The following ADGRG4 variants were observed in gnomAD, a reference collection of about 807,000 sequenced individuals.
The protein encoded by ADGRG4 is G protein-coupled receptor 112.
A neutral mutation model predicts 126.2 loss-of-function variants in ADGRG4; 122 were observed. The observed-to-expected ratio is 0.97, with a 90% confidence interval of 0.83 to 1.12. The LOEUF is 1.12. Ranked by LOEUF, ADGRG4 falls within the 50% of genes most tolerant of loss-of-function variation. The pLI is 0.00. For missense variants in ADGRG4, 2,481 were observed against 2,251.8 expected, an observed-to-expected ratio of 1.10 and a Z score of -2.06; for synonymous variants, 943 against 838.7, an observed-to-expected ratio of 1.12 and a Z score of -2.15.
At chrX:136,367,457 T>C in intron 13 of ADGRG4, among the ~76,000 whole-genome samples, 1 of 112,451 alleles carries the variant, frequency 8.9e-6, no homozygotes, top group South Asian at 3.7e-4. Context: ...TCTTTAGACA[T>C]GCTAATAGAA....
chrX:136,409,417 C>G (rs913890417), intron 23 of ADGRG4, among the ~76,000 whole-genome samples: 1 of 111,248 alleles, frequency 9.0e-6, no homozygotes, highest in Non-Finnish European at 1.9e-5. Flanking sequence ...CCTTTTAAGT[C>G]GGAAAACTAA....
rs773335401 is a variant in ADGRG4, at chrX:136,323,263, C to T, written c.556C>T (p.Gln186Ter). 3.3e-6 allele frequency: 4 copies of T among 1,211,377 alleles called. No individual in the cohort carries two copies. Among genetic ancestry groups the T allele is most frequent in the Non-Finnish European group, 4.5e-6 (4 of 895,382 alleles). ...RSFPGSLYYF[Q>*]LWDHILENEE... ...CTTTCCTGGCAGCTTGTACTACTTT[C>T]AACTCTGGGACCACATCCTGGAAAA... Residue 186 changes from glutamine to a stop codon, truncating the protein, a stop_gained, in exon 5 of 26, where the codon CAA (glutamine) becomes TAA (stop). Transcript: ENST00000394143. LOFTEE classifies it high-confidence loss of function.
chrX:136,323,205 TG>T lies in ADGRG4; in HGVS notation c.499del (p.Glu167ArgfsTer8), dbSNP rs1257232409. The T allele has an allele frequency of 8.3e-7, 1 of 1,211,609 alleles. No homozygotes were observed. Reference sequence around the variant, plus strand: ...TGTTCCTAGGGCACTTTCTCAAGAATGAGAGCAGCGAGGTTAAAAGCATGAT... The same window carrying T: ...TGTTCCTAGGGCACTTTCTCAAGAATAGAGCAGCGAGGTTAAAAGCATGAT... ...TLFLGHFLKN[E>X]SSEVKSMMRS... On this transcript the variant is annotated frameshift_variant, in exon 5 of 26. Coordinates refer to ENST00000394143, the MANE Select transcript of ADGRG4 (RefSeq NM_153834.4). LOFTEE classifies it high-confidence loss of function.
chrX:136,386,442 C>T (rs1199999556), intron 15 of ADGRG4, among the ~76,000 whole-genome samples: 3 of 111,687 alleles, frequency 2.7e-5, no homozygotes, highest in East Asian at 2.8e-4. Context: ...TAGCAAAGAG[C>T]CATATGGGTT....
Position 136,322,670 on chromosome X carries a change from A to T in ADGRG4, c.71-108A>T. 7.6e-6 allele frequency: 5 copies of T among 660,119 alleles called. No homozygotes were observed. The South Asian group carries it at 1.8e-4, about 23-fold the overall frequency. The allele number at this position is 660,119 out of a possible 1,213,427, so 54.4% of individuals were successfully genotyped here. A position where few individuals can be genotyped will look rare whatever the true frequency, so the allele number is the denominator to read the frequency against. Reference sequence around the variant, plus strand: ...TGTTTATTTGCACCAGTATTGACTCATAATTATATTGTATAACCCAGATTT... The same window carrying T: ...TGTTTATTTGCACCAGTATTGACTCTTAATTATATTGTATAACCCAGATTT... On this transcript the variant is annotated intron_variant, in intron 4 of 25. Coordinates refer to ENST00000394143, the MANE Select transcript of ADGRG4 (RefSeq NM_153834.4).
Position 136,346,050 on chromosome X carries a change from G to T in ADGRG4, c.2344G>T (p.Val782Phe), listed in dbSNP as rs1569322763. Residue 782 changes from valine to phenylalanine, a missense_variant, in exon 6 of 26, where the codon GTT becomes TTT. Coordinates refer to ENST00000394143, the MANE Select transcript of ADGRG4 (RefSeq NM_153834.4). ...ACTTCCTTTGACACCAAGGGAGACT[G>T]TTGTTCCATCAGTAGATATAATATC... ...NELPLTPRETVVPSVDIISTL... is the reference protein window; with the variant it reads ...NELPLTPRETFVPSVDIISTL... 8.3e-7 allele frequency: 1 copy of T among 1,208,311 alleles called. No homozygotes were observed. Among genetic ancestry groups the T allele is most frequent in the Non-Finnish European group, 1.1e-6 (1 of 893,339 alleles).
intron 16 of ADGRG4, 53 bp from the exon 17 acceptor site, chrX:136,392,179 A>G (rs1219016707): frequency 5.8e-6 from 6 of 1,034,338 alleles, no homozygotes; most frequent in Non-Finnish European, 7.8e-6. Flanking sequence ...GATTATTAAT[A>G]TGTAAGTAAT....
At chrX:136,350,572 T>C (rs1211038266) in intron 6 of ADGRG4, 139 bp downstream of exon 6, 8 of 529,274 alleles carry the variant, frequency 1.5e-5, no homozygotes, top group South Asian at 3.5e-5. Flanking sequence ...CTTCAGACAG[T>C]GGGTACAGTG....
chrX:136,356,120 A>G lies in ADGRG4; in HGVS notation c.6888-6A>G. On this transcript the variant is annotated splice_region_variant and splice_polypyrimidine_tract_variant and intron_variant, in intron 8 of 25. Transcript: ENST00000394143. ...TTCCTATAATTTTGTAATGCTTTTGATACAGGGACATTTCAGAGGAAGAGA... is the reference window on the plus strand; with the variant it reads ...TTCCTATAATTTTGTAATGCTTTTGGTACAGGGACATTTCAGAGGAAGAGA... The G allele has an allele frequency of 8.5e-7, 1 of 1,171,863 alleles. No individual in the cohort carries two copies. The highest frequency in any genetic ancestry group is 1.9e-5 in the South Asian group (1 of 53,813).
chrX:136,395,308 G>C, intron 18 of ADGRG4, 82 bp from the exon 19 acceptor site: 1 of 540,479 alleles, frequency 1.9e-6, no homozygotes, highest in Non-Finnish European at 3.1e-6. Flanking sequence ...TATAACACAC[G>C]TTTGGATAGT....
chrX:136,357,282 G>A (rs2075100565), intron 9 of ADGRG4, among the ~76,000 whole-genome samples: 1 of 111,669 alleles, frequency 9.0e-6, no homozygotes, highest in Non-Finnish European at 1.9e-5. Flanking sequence ...TGTAAGATGA[G>A]GACTGTTGGA....
At position 136,371,272 on chromosome X, in the gene ADGRG4, C is replaced by G. The variant is rs550790806; in HGVS notation, c.7397-56C>G. 4.4e-5 allele frequency: 36 copies of G among 811,342 alleles called. No individual in the cohort carries two copies. The South Asian group carries it at 8.6e-4, about 19-fold the overall frequency. The allele number at this position is 811,342 out of a possible 1,213,427, so 66.9% of individuals were successfully genotyped here. A position where few individuals can be genotyped will look rare whatever the true frequency, so the allele number is the denominator to read the frequency against. On this transcript the variant is annotated intron_variant, in intron 13 of 25. Coordinates refer to ENST00000394143, the MANE Select transcript of ADGRG4 (RefSeq NM_153834.4). ...ACTCTTTAAAGGGAAAGAAGCACAC[C>G]AGAATGGCAGAAGACTAAGTCATGC...
intron 8 of ADGRG4, among the ~76,000 whole-genome samples, chrX:136,355,491 A>G (rs1323978846): frequency 9.0e-6 from 1 of 111,702 alleles, no homozygotes; most frequent in Non-Finnish European, 1.9e-5. Flanking sequence ...TCCTTATTAC[A>G]AAAGTAATAT....
intron 15 of ADGRG4, among the ~76,000 whole-genome samples, chrX:136,376,653 G>T (rs918007089): frequency 5.7e-5 from 6 of 105,980 alleles, no homozygotes; most frequent in African/African-American, 1.0e-4. Flanking sequence ...GTATTGTATT[G>T]TATTGTATTG....
At chrX:136,311,697 C>T (rs145156081) in intron 4 of ADGRG4, among the ~76,000 whole-genome samples, 4 of 110,592 alleles carry the variant, frequency 3.6e-5, no homozygotes, top group Admixed American at 9.7e-5. Flanking sequence ...ACAGGAAAGC[C>T]CCAGAGCCAT....
chrX:136,414,606 G>A (rs1450469322), intron 25 of ADGRG4, among the ~76,000 whole-genome samples: 1 of 112,728 alleles, frequency 8.9e-6, no homozygotes, highest in African/African-American at 3.2e-5. Context: ...GAAAATTCAT[G>A]AGTAATTAAA....
Position 136,347,896 on chromosome X carries a change from T to C in ADGRG4, c.4190T>C (p.Ile1397Thr). ...PAYTPRTVEMIVNSTYVTHSV... is the reference protein window; with the variant it reads ...PAYTPRTVEMTVNSTYVTHSV... Reference sequence around the variant, plus strand: ...TATACTCCCAGGACTGTGGAAATGATAGTAAACTCCACCTATGTGACTCAC... The same window carrying C: ...TATACTCCCAGGACTGTGGAAATGACAGTAAACTCCACCTATGTGACTCAC... Residue 1397 changes from isoleucine to threonine, a missense_variant, in exon 6 of 26, where the codon ATA (isoleucine) becomes ACA (threonine). By Grantham distance (89) the Ile-to-Thr change is moderately conservative. Coordinates refer to ENST00000394143, the MANE Select transcript of ADGRG4 (RefSeq NM_153834.4). 3 of 1,210,445 alleles carry C rather than the reference T, an allele frequency of 2.5e-6. No homozygotes were observed. The highest frequency in any genetic ancestry group is 3.4e-6 in the Non-Finnish European group (3 of 894,195).
In ADGRG4 at chrX:136,348,650, A is replaced by G; in HGVS notation, c.4944A>G (p.Pro1648=). The G allele has an allele frequency of 8.3e-7, 1 of 1,209,854 alleles. No homozygotes were observed. ...TCACACCTACGACCTTTCTCTCTCCAACAGAGCCAACTTTGCCCTTTGTAA... is the reference window on the plus strand; with the variant it reads ...TCACACCTACGACCTTTCTCTCTCCGACAGAGCCAACTTTGCCCTTTGTAA... ...SRITPTTFLS[P]TEPTLPFVKT... is the part of the protein sequence containing the mutation. Residue 1648 remains proline (P), a synonymous_variant, in exon 6 of 26, where the codon CCA becomes CCG. Coordinates refer to ENST00000394143, the MANE Select transcript of ADGRG4 (RefSeq NM_153834.4).
At chrX:136,353,967 C>G (rs1210841576) in intron 8 of ADGRG4, among the ~76,000 whole-genome samples, 1 of 111,420 alleles carries the variant, frequency 9.0e-6, no homozygotes, top group Non-Finnish European at 1.9e-5. Context: ...TATTCTTTCG[C>G]TGCACATATA....
Sources: allele counts gnomAD v4.1 joint callset (sites outside exome capture counted in the v4.1 genomes callset), GRCh38; gene constraint gnomAD v4.1.1; transcripts MANE v1.5; gene names NCBI Gene and HGNC (gene_info 2026-07-23, HGNC 2026-07-21).